Variants in ABLIM2 observed in about 807,000 individuals in gnomAD.
ABLIM2 encodes actin-binding LIM protein 2.
In ABLIM2, 53 loss-of-function variants were observed where a neutral mutation model predicts 97.7. The ratio of observed to expected loss-of-function variants is 0.54; its 90% confidence interval spans 0.44 to 0.68. The LOEUF is 0.68. ABLIM2 is among the 30% of genes least tolerant of loss of function. The pLI, the probability that ABLIM2 is intolerant of heterozygous loss-of-function variation, is 0.00. For missense variants in ABLIM2, 835 were observed against 867.2 expected (o/e 0.96, Z 0.47); for synonymous variants, 361 against 345.8 (o/e 1.04, Z -0.49).
intron 1 of ABLIM2, among the ~76,000 whole-genome samples, chr4:8,131,383 C>T (rs1326597107): frequency 6.6e-6 from 1 of 152,210 alleles, no homozygotes; most frequent in Non-Finnish European, 1.5e-5. Flanking sequence ...AAACTGATTT[C>T]CTGCCAGGGA....
chr4:8,006,620 A>C (rs951899614), intron 16 of ABLIM2, among the ~76,000 whole-genome samples: 1 of 152,240 alleles, frequency 6.6e-6, no homozygotes, highest in African/African-American at 2.4e-5. Flanking sequence ...ACGTGAGTGC[A>C]GGGCAGATGG....
At chr4:7,983,795 A>C (rs1741017102) in intron 18 of ABLIM2, among the ~76,000 whole-genome samples, 2 of 152,230 alleles carry the variant, frequency 1.3e-5, no homozygotes, top group South Asian at 2.1e-4. Context: ...GCCAGGCTGG[A>C]AGCCGGAGGG....
At chr4:8,056,112 C>CAAAAAAAAAAAAAAAAAAAAAAAA (rs60992903) in intron 7 of ABLIM2, among the ~76,000 whole-genome samples, 5 of 68,334 alleles carry the variant, frequency 7.3e-5, no homozygotes, top group East Asian at 3.2e-4. Flanking sequence ...GACTCTGTCT[C>CAAAAAAAAAAAAAAAAAAAAAAAA]AAAAAAAAAA....
chr4:8,079,904 T>G (rs368955166), intron 5 of ABLIM2, among the ~76,000 whole-genome samples: 1 of 152,168 alleles, frequency 6.6e-6, no homozygotes, highest in Non-Finnish European at 1.5e-5. Flanking sequence ...GAAGACCCTC[T>G]AGCTCCCAGG....
At chr4:8,031,607 A>C (rs1435324126) in intron 10 of ABLIM2, among the ~76,000 whole-genome samples, 1 of 152,090 alleles carries the variant, frequency 6.6e-6, no homozygotes, top group Non-Finnish European at 1.5e-5. Context: ...CCTGCACCTC[A>C]TAGTGCGTGA....
chr4:8,091,606 A>AATT lies in ABLIM2; in HGVS notation c.339-3323_339-3322insAAT, dbSNP rs1561334022. Among the ~76,000 whole-genome samples the AATT allele has an allele frequency of 2.2e-4, 13 of 58,486 alleles. 2 individuals carry two copies. The East Asian group carries it at 6.6e-3, about 30-fold the overall frequency. The allele number at this position is 58,486 out of a possible 152,430, so 38.4% of individuals were successfully genotyped here. A position where few individuals can be genotyped will look rare whatever the true frequency, so the allele number is the denominator to read the frequency against. On this transcript the variant is annotated intron_variant, in intron 3 of 20. Coordinates refer to ENST00000447017, the MANE Select transcript of ABLIM2 (RefSeq NM_001130083.2). ...TAAAATTATATATATAATTATATAT[A>AATT]TTATGTATAATTTTATATAAAATTA... is the stretch of plus-strand genomic sequence containing the variant.
intron 12 of ABLIM2, among the ~76,000 whole-genome samples, chr4:8,024,086 T>C (rs1023823823): frequency 2.0e-5 from 3 of 152,186 alleles, no homozygotes; most frequent in African/African-American, 7.2e-5. Flanking sequence ...CTCAGCAAGA[T>C]GAAGAGGCGC....
intron 7 of ABLIM2, among the ~76,000 whole-genome samples, chr4:8,056,725 G>A (rs530270908): frequency 1.3e-5 from 2 of 152,028 alleles, no homozygotes; most frequent in South Asian, 4.2e-4. Context: ...GAGGTCAGGA[G>A]ATCGAGACCA....
rs1046218974 is a variant in ABLIM2 at position 8,132,234 on chromosome 4, C to A, written c.11-25597G>T. On this transcript the variant is annotated intron_variant, in intron 1 of 20. Coordinates refer to ENST00000447017, the MANE Select transcript of ABLIM2 (RefSeq NM_001130083.2). This position sits in a 1 kb window ranked among gnomAD's most constrained non-coding sequence, Gnocchi z 8.0. ...CCCCTCCCCTGCACAGAACCCCTCA[C>A]TCCCTGACAGCCCAGCGCTGTGGCT... Among the ~76,000 whole-genome samples, 1 of 152,176 alleles carries A rather than the reference C, an allele frequency of 6.6e-6. No homozygotes were observed. The highest frequency in any genetic ancestry group is 1.5e-5 in the Non-Finnish European group (1 of 68,032).
At chr4:7,987,280 G>T (rs938707336) in intron 17 of ABLIM2, among the ~76,000 whole-genome samples, 4 of 151,670 alleles carry the variant, frequency 2.6e-5, no homozygotes, top group Admixed American at 6.6e-5. Flanking sequence ...GCCTGGCCAT[G>T]CCTGGCTAAT....
chr4:8,144,198 A>T (rs1185451589), intron 1 of ABLIM2, among the ~76,000 whole-genome samples: 1 of 152,174 alleles, frequency 6.6e-6, no homozygotes, highest in African/African-American at 2.4e-5. Context: ...CTCAGCGGGG[A>T]AGCAGCCCCT....
chr4:8,095,580 C>G lies in ABLIM2; in HGVS notation c.338+1519G>C, dbSNP rs1394605215. Among the ~76,000 whole-genome samples the G allele has an allele frequency of 6.6e-6, 1 of 152,126 alleles. No individual in the cohort carries two copies. Among genetic ancestry groups the G allele is most frequent in the South Asian group, 2.1e-4 (1 of 4,818 alleles). ...TAATTAAAAAATAGAGATGGGGTCTCTTTATGTTTCCCAAGCTGGTCTCCA... is the reference window on the plus strand; with the variant it reads ...TAATTAAAAAATAGAGATGGGGTCTGTTTATGTTTCCCAAGCTGGTCTCCA... On this transcript the variant is annotated intron_variant, in intron 3 of 20. Transcript: ENST00000447017. This position sits in a 1 kb window ranked among gnomAD's most constrained non-coding sequence, Gnocchi z 4.7.
Position 8,010,793 on chromosome 4 carries a change from A to C in ABLIM2, c.1424-1691T>G, listed in dbSNP as rs1401842213. On this transcript the variant is annotated intron_variant, in intron 14 of 20. Transcript: ENST00000447017. ...CCGGGGGACGCATGCCCGCAGCTGG[A>C]CTCTCCTGTTGCCCAGACAACAGCC... The C allele has an allele frequency of 3.6e-5, 6 of 166,410 alleles. No homozygotes were observed. The Admixed American group carries it at 3.9e-4, about 11-fold the overall frequency. 10.3% of individuals were successfully genotyped at this position (166,410 alleles called of 1,614,324 possible). A position where few individuals can be genotyped will look rare whatever the true frequency, so the allele number is the denominator to read the frequency against.
At chr4:8,064,798 CTT>C in intron 6 of ABLIM2, among the ~76,000 whole-genome samples, 1 of 152,254 alleles carries the variant, frequency 6.6e-6, no homozygotes, top group South Asian at 2.1e-4. Flanking sequence ...GACCTGTTCT[CTT>C]TCTTGACTCG....
intron 1 of ABLIM2, among the ~76,000 whole-genome samples, chr4:8,119,910 G>A (rs760074116): frequency 6.6e-6 from 1 of 152,122 alleles, no homozygotes; most frequent in Non-Finnish European, 1.5e-5. Flanking sequence ...CTTCGCCTCC[G>A]CTCAGATCTG....
intron 9 of ABLIM2, among the ~76,000 whole-genome samples, chr4:8,036,656 G>A (rs1187730595): frequency 6.6e-6 from 1 of 152,238 alleles, no homozygotes; most frequent in Non-Finnish European, 1.5e-5. Context: ...CCTTGCGGAA[G>A]TGTCTTCTCT....
At chr4:8,107,817 C>T (rs760866170) in intron 1 of ABLIM2, among the ~76,000 whole-genome samples, 29 of 152,186 alleles carry the variant, frequency 1.9e-4, no homozygotes, top group Admixed American at 9.2e-4. Flanking sequence ...GATCGTCTAG[C>T]TGAGCCCAAC....
intron 1 of ABLIM2, among the ~76,000 whole-genome samples, chr4:8,116,451 C>G (rs1405341397): frequency 2.6e-5 from 4 of 152,186 alleles, no homozygotes; most frequent in African/African-American, 7.2e-5. Flanking sequence ...ACACAAGATG[C>G]CCAGGAACGG....
intron 6 of ABLIM2, among the ~76,000 whole-genome samples, chr4:8,074,178 G>C (rs933843809): frequency 6.6e-6 from 1 of 151,810 alleles, no homozygotes; most frequent in Non-Finnish European, 1.5e-5. Flanking sequence ...ACCCTGCAGG[G>C]TGCGGTGGCT....
Sources: allele counts gnomAD v4.1 joint callset (sites outside exome capture counted in the v4.1 genomes callset), GRCh38; gene constraint gnomAD v4.1.1; non-coding constraint Gnocchi (gnomAD v3.1); transcripts MANE v1.5; gene names NCBI Gene and HGNC (gene_info 2026-07-23, HGNC 2026-07-21).